CSMD1: variants seen among roughly 807,000 people sequenced by gnomAD.
CSMD1 encodes the protein CUB and Sushi multiple domains 1, also known as CUB and sushi domain-containing protein 1.
CSMD1 carries 213 observed loss-of-function variants against 417.5 expected under a neutral mutation model. The observed-to-expected ratio is 0.51, with a 90% CI of 0.46 to 0.57. The LOEUF (loss-of-function observed/expected upper bound fraction) is 0.57. CSMD1 is among the 20% of genes least tolerant of loss of function. The probability of loss-of-function intolerance (pLI) is 0.00; values close to 1 mark genes in which losing one functional copy is unlikely to be tolerated. For missense variants in CSMD1, 6,923 were observed against 4,529.7 expected, an observed-to-expected ratio of 1.53 and a Z score of -15.17; for synonymous variants, 2,862 against 1,736.8, an observed-to-expected ratio of 1.65 and a Z score of -16.11.
intron 9 of CSMD1, among the ~76,000 whole-genome samples, chr8:3,577,640 T>G (rs182192449): frequency 7.9e-5 from 12 of 152,158 alleles, no homozygotes; most frequent in Non-Finnish European, 4.4e-5. Flanking sequence ...TCTGAATAGG[T>G]GTAACAGCCT....
intron 1 of CSMD1, among the ~76,000 whole-genome samples, chr8:4,964,826 G>C (rs116459910): frequency 0.01 from 1,566 of 152,224 alleles, 26 homozygotes; most frequent in African/African-American, 0.036. Flanking sequence ...GTGCACCCAC[G>C]ATGGACTTTA....
chr8:3,515,415 G>C (rs1379307322), intron 10 of CSMD1: 1 of 152,160 alleles, frequency 6.6e-6, no homozygotes, highest in East Asian at 1.9e-4. Context: ...GTGAAGTTTA[G>C]ACACTTGGTG....
intron 11 of CSMD1, among the ~76,000 whole-genome samples, chr8:3,491,666 T>A (rs935772119): frequency 3.3e-5 from 5 of 152,216 alleles, no homozygotes; most frequent in Non-Finnish European, 1.5e-5. Flanking sequence ...TAAGGGAATA[T>A]ACAGAACAGT....
At chr8:3,819,383 G>A (rs1056813571) in intron 5 of CSMD1, among the ~76,000 whole-genome samples, 1 of 152,026 alleles carries the variant, frequency 6.6e-6, no homozygotes, top group South Asian at 2.1e-4. Flanking sequence ...TCTTTGTTTT[G>A]CTCCAGAAAG....
intron 10 of CSMD1, among the ~76,000 whole-genome samples, chr8:3,530,330 T>A (rs773180510): frequency 6.6e-6 from 1 of 152,180 alleles, no homozygotes; most frequent in African/African-American, 2.4e-5. Context: ...TTTGGCTGCA[T>A]CCTGTAAGTT....
chr8:4,387,187 G>T (rs889217983), intron 3 of CSMD1, among the ~76,000 whole-genome samples: 1 of 152,192 alleles, frequency 6.6e-6, no homozygotes, highest in South Asian at 2.1e-4. Context: ...CTTGTGGCTA[G>T]GAGGTATCTG....
intron 3 of CSMD1, among the ~76,000 whole-genome samples, chr8:4,119,189 G>A (rs763137842): frequency 6.6e-5 from 10 of 152,018 alleles, no homozygotes; most frequent in Non-Finnish European, 1.2e-4. Flanking sequence ...GCAAACCATC[G>A]TGGCACACAT....
intron 5 of CSMD1, among the ~76,000 whole-genome samples, chr8:3,860,494 G>T (rs550219261): frequency 7.2e-5 from 11 of 152,178 alleles, no homozygotes; most frequent in African/African-American, 2.6e-4. Context: ...TGTACTTGAA[G>T]TTCCTTTATG....
intron 3 of CSMD1, among the ~76,000 whole-genome samples, chr8:4,206,280 G>A (rs1408036588): frequency 6.6e-6 from 1 of 151,948 alleles, no homozygotes; most frequent in African/African-American, 2.4e-5. Flanking sequence ...GTGCCATGTT[G>A]GTGTGCTGCA....
intron 1 of CSMD1, among the ~76,000 whole-genome samples, chr8:4,977,549 C>T (rs146577679): frequency 4.6e-5 from 7 of 152,316 alleles, no homozygotes; most frequent in Middle Eastern, 3.4e-3. Flanking sequence ...GGGAACACAG[C>T]GCACAGTGGC....
At chr8:3,395,423 G>C (rs1563343670) in intron 17 of CSMD1, among the ~76,000 whole-genome samples, 4 of 152,058 alleles carry the variant, frequency 2.6e-5, no homozygotes, top group Non-Finnish European at 5.9e-5. Flanking sequence ...TGTATTCCTA[G>C]GGGTGATTCC....
intron 6 of CSMD1, among the ~76,000 whole-genome samples, chr8:3,730,616 T>G (rs1292508597): frequency 1.3e-5 from 2 of 152,164 alleles, no homozygotes; most frequent in African/African-American, 2.4e-5. Flanking sequence ...CACCTCTCAC[T>G]TATGTCATCC....
chr8:4,118,940 G>C (rs537585353), intron 3 of CSMD1, among the ~76,000 whole-genome samples: 1 of 152,074 alleles, frequency 6.6e-6, no homozygotes, highest in East Asian at 1.9e-4. Context: ...TTTCCTTTGG[G>C]GGGACATGGG....
At chr8:3,425,587 C>CAAAAA (rs5888966) in intron 12 of CSMD1, among the ~76,000 whole-genome samples, 1 of 97,528 alleles carries the variant, frequency 1.0e-5, no homozygotes. Context: ...GATTCGGTCT[C>CAAAAA]AAAAAAAAAA....
At chr8:4,928,581 A>C (rs1585347604) in intron 1 of CSMD1, among the ~76,000 whole-genome samples, 1 of 152,152 alleles carries the variant, frequency 6.6e-6, no homozygotes, top group African/African-American at 2.4e-5. Context: ...GTGCACGATC[A>C]TTTACGAAAG....
chr8:4,466,411 A>C (rs1254522529), intron 2 of CSMD1, among the ~76,000 whole-genome samples: 2 of 152,214 alleles, frequency 1.3e-5, no homozygotes, highest in African/African-American at 4.8e-5. Context: ...AGCCAAAAAA[A>C]ACACTCACTT....
chr8:4,020,444 A>C (rs1017077458), intron 4 of CSMD1, among the ~76,000 whole-genome samples: 1 of 152,192 alleles, frequency 6.6e-6, no homozygotes, highest in African/African-American at 2.4e-5. Context: ...CTCTATTGAT[A>C]TTATAGGATA....
chr8:3,978,017 G>T (rs759493322), intron 5 of CSMD1, among the ~76,000 whole-genome samples: 3 of 152,130 alleles, frequency 2.0e-5, no homozygotes, highest in Non-Finnish European at 4.4e-5. Context: ...TTACTCAGAT[G>T]GACACTTGCT....
At chr8:3,437,395 A>C (rs1461785411) in intron 12 of CSMD1, among the ~76,000 whole-genome samples, 1 of 152,166 alleles carries the variant, frequency 6.6e-6, no homozygotes, top group Non-Finnish European at 1.5e-5. Flanking sequence ...TTGGCAATTC[A>C]TACAGTTCTG....
Sources: allele counts gnomAD v4.1 joint callset (sites outside exome capture counted in the v4.1 genomes callset), GRCh38; gene constraint gnomAD v4.1.1; transcripts MANE v1.5; gene names NCBI Gene and HGNC (gene_info 2026-07-23, HGNC 2026-07-21).